PRDM16: variants seen among roughly 807,000 people sequenced by gnomAD.
PRDM16 encodes PR/SET domain 16.
A neutral mutation model predicts 110.6 loss-of-function variants in PRDM16; 23 were observed. The observed-to-expected ratio is 0.21, with a 90% CI of 0.15 to 0.29. PRDM16 has a LOEUF of 0.29. Among genes scored for constraint, PRDM16 ranks in the 10% least tolerant of loss-of-function variants. PRDM16 has a pLI of 1.00. For synonymous variants in PRDM16, 799 were observed against 781.8 expected (o/e 1.02, Z -0.37); for missense variants, 1,615 against 1,794.3 (o/e 0.90, Z 1.81).
intron 3 of PRDM16, among the ~76,000 whole-genome samples, chr1:3,357,198 A>G (rs1642622077): frequency 6.6e-6 from 1 of 152,024 alleles, no homozygotes; most frequent in Admixed American, 6.5e-5. Context: ...CTGCGGGCGG[A>G]CCTGGCTCTT....
intron 2 of PRDM16, among the ~76,000 whole-genome samples, chr1:3,238,934 G>A (rs763022087): frequency 5.9e-5 from 9 of 152,120 alleles, no homozygotes; most frequent in Admixed American, 4.6e-4. Context: ...TACACAGCAG[G>A]GGCGTTGCTG....
intron 3 of PRDM16, among the ~76,000 whole-genome samples, chr1:3,258,294 T>C (rs114686766): frequency 0.024 from 3,693 of 152,308 alleles, 164 homozygotes; most frequent in African/African-American, 0.083. Context: ...GGGGGGATAT[T>C]GTGAGGATAA....
chr1:3,273,437 C>T (rs1640502514), intron 3 of PRDM16, among the ~76,000 whole-genome samples: 1 of 136,070 alleles, frequency 7.3e-6, no homozygotes, highest in South Asian at 2.2e-4. Context: ...GGTGCGTGCA[C>T]ATGTGTGTGT....
intron 3 of PRDM16, among the ~76,000 whole-genome samples, chr1:3,299,920 A>C (rs565031050): frequency 1.0e-4 from 7 of 67,006 alleles, no homozygotes; most frequent in African/African-American, 1.3e-4. Flanking sequence ...GTGATGTTTC[A>C]GATCCCAGTC....
chr1:3,403,286 A>G (rs766652981), intron 6 of PRDM16, among the ~76,000 whole-genome samples: 1 of 152,180 alleles, frequency 6.6e-6, no homozygotes, highest in Non-Finnish European at 1.5e-5. Flanking sequence ...TCCTAGGCTC[A>G]TGGCCCTGCC....
At chr1:3,433,431 T>A (rs975605993) in intron 16 of PRDM16, among the ~76,000 whole-genome samples, 3 of 152,094 alleles carry the variant, frequency 2.0e-5, no homozygotes, top group Non-Finnish European at 4.4e-5. Context: ...GGATGGCCTG[T>A]CCTGCCCACA....
chr1:3,394,630 G>A, intron 4 of PRDM16: 1 of 332,894 alleles, frequency 3.0e-6, no homozygotes, highest in South Asian at 2.1e-5. Context: ...CAGGGCCCGG[G>A]CCAGGCCACC....
intron 1 of PRDM16, among the ~76,000 whole-genome samples, chr1:3,087,434 G>C (rs1199994702): frequency 2.0e-5 from 3 of 152,218 alleles, no homozygotes; most frequent in Non-Finnish European, 4.4e-5. Flanking sequence ...ACTCTGGATC[G>C]GCCGGCAGGA....
intron 1 of PRDM16, among the ~76,000 whole-genome samples, chr1:3,145,301 T>C (rs1643625807): frequency 6.6e-6 from 1 of 152,114 alleles, no homozygotes; most frequent in South Asian, 2.1e-4. Context: ...CCGTAAACCA[T>C]TGCCATGGGA....
intron 1 of PRDM16, among the ~76,000 whole-genome samples, chr1:3,184,711 C>T (rs1439044362): frequency 6.6e-6 from 1 of 152,182 alleles, no homozygotes; most frequent in Non-Finnish European, 1.5e-5. Flanking sequence ...GGGCCTCTCG[C>T]TGTCACCCCC....
chr1:3,150,873 G>T (rs1206565473), intron 1 of PRDM16, among the ~76,000 whole-genome samples: 10 of 143,002 alleles, frequency 7.0e-5, no homozygotes, highest in Non-Finnish European at 9.2e-5. Flanking sequence ...GTGGGGGCGG[G>T]GGGGCTGGTC....
rs183133438 is a variant in PRDM16 at position 3,298,829 on chromosome 1, C to A, written c.438+54692C>A. Among the ~76,000 whole-genome samples the A allele has an allele frequency of 2.4e-4, 37 of 152,332 alleles. No individual in the cohort carries two copies. In the East Asian group the frequency reaches 6.8e-3, roughly 28 times the overall value. On this transcript the variant is annotated intron_variant, in intron 3 of 16. Transcript: ENST00000270722. ...AAGGGGCTGTCTCATGCTTCTCCAA[C>A]CACGTTTGGCCAAAAAGAGCTTTTG...
At chr1:3,320,085 CTT>C (rs1641705236) in intron 3 of PRDM16, among the ~76,000 whole-genome samples, 1 of 152,182 alleles carries the variant, frequency 6.6e-6, no homozygotes, top group Non-Finnish European at 1.5e-5. Context: ...GACTTACTTC[CTT>C]GTTCCTGGAT....
chr1:3,360,796 G>A (rs1025245412), intron 3 of PRDM16, among the ~76,000 whole-genome samples: 12 of 152,204 alleles, frequency 7.9e-5, no homozygotes, highest in African/African-American at 1.9e-4. Context: ...CAACAGGAGC[G>A]GAAGAGCCAT....
intron 3 of PRDM16, among the ~76,000 whole-genome samples, chr1:3,247,616 C>CT (rs1314694931): frequency 1.3e-5 from 2 of 152,260 alleles, no homozygotes; most frequent in Non-Finnish European, 2.9e-5. Context: ...CGCGTTCCCT[C>CT]TGTCTCACAC....
chr1:3,114,002 G>C (rs1642855571), intron 1 of PRDM16, among the ~76,000 whole-genome samples: 1 of 152,182 alleles, frequency 6.6e-6, no homozygotes, highest in Admixed American at 6.5e-5. Flanking sequence ...GTTTTCTTTG[G>C]TTTTGTTTTT....
rs555209303 is a variant in PRDM16, at chr1:3,230,297, C to T, written c.388-13790C>T. 3.3e-5 allele frequency among the ~76,000 whole-genome samples: 5 copies of T among 152,332 alleles called. No homozygotes were observed. The South Asian group carries it at 6.2e-4, about 19-fold the overall frequency. ...GATTCCTGGATGTTGCTAGGTCTCA[C>T]GGAGGCCTTTCTGCACTAGGACTCC... On this transcript the variant is annotated intron_variant, in intron 2 of 16. Coordinates refer to ENST00000270722, the MANE Select transcript of PRDM16 (RefSeq NM_022114.4).
intron 1 of PRDM16, among the ~76,000 whole-genome samples, chr1:3,116,855 G>A (rs922539419): frequency 1.3e-5 from 2 of 152,198 alleles, no homozygotes; most frequent in Non-Finnish European, 2.9e-5. Context: ...CCTCCAGTCA[G>A]GCCCTCCACA....
intron 3 of PRDM16, among the ~76,000 whole-genome samples, chr1:3,379,740 T>C (rs561179623): frequency 4.8e-3 from 6 of 1,250 alleles, no homozygotes; most frequent in Admixed American, 0.02. Context: ...CCCAACACAG[T>C]CCTCCCAGCA....
Sources: gnomAD v4.1 joint callset for allele counts (sites outside exome capture counted in the v4.1 genomes callset) on GRCh38, gnomAD v4.1.1 for gene constraint, MANE v1.5 for transcripts, NCBI Gene and HGNC (gene_info 2026-07-23, HGNC 2026-07-21) for gene names.